The following ZDHHC11 variants were observed in gnomAD, a reference collection of about 807,000 sequenced individuals.
The protein encoded by ZDHHC11 is palmitoyltransferase ZDHHC11.
ZDHHC11 carries 44 observed loss-of-function variants against 51.3 expected under a neutral mutation model. The ratio of observed to expected loss-of-function variants is 0.86; its 90% CI spans 0.67 to 1.10. The LOEUF is 1.10. Among genes scored for constraint, ZDHHC11 ranks in the 50% least tolerant of loss-of-function variants. ZDHHC11 has a pLI of 0.00. For missense variants in ZDHHC11, 400 were observed against 537.7 expected, an observed-to-expected ratio of 0.74 and a Z score of 2.53; for synonymous variants, 163 against 222.0, an observed-to-expected ratio of 0.73 and a Z score of 2.36.
At chr5:825,769 C>G (rs1343572763) in intron 7 of ZDHHC11, among the ~76,000 whole-genome samples, 1 of 152,282 alleles carries the variant, frequency 6.6e-6, no homozygotes, top group Non-Finnish European at 1.5e-5. Flanking sequence ...AGTGCCACCT[C>G]CTGGCTGGAG....
At position 814,800 on chromosome 5, in the gene ZDHHC11, G is replaced by C. The variant is rs191757590; in HGVS notation, c.1147-5C>G. 7.2e-4 allele frequency: 1,109 copies of C among 1,538,974 alleles called. 34 individuals are homozygous for C. In the Middle Eastern group the frequency reaches 0.019, roughly 27 times the overall value. On this transcript the variant is annotated splice_region_variant and splice_polypyrimidine_tract_variant and intron_variant, in intron 10 of 12. Coordinates refer to ENST00000283441, the MANE Select transcript of ZDHHC11 (RefSeq NM_024786.3). ...ACTCGGGGCATCATCTGCTTCCTGTGGGGGGAAGGGATGCAAAATTCATAG... is the reference window on the plus strand; with the variant it reads ...ACTCGGGGCATCATCTGCTTCCTGTCGGGGGAAGGGATGCAAAATTCATAG...
At chr5:799,313 C>T (rs1428105267) in intron 12 of ZDHHC11, among the ~76,000 whole-genome samples, 1 of 151,334 alleles carries the variant, frequency 6.6e-6, no homozygotes, top group Non-Finnish European at 1.5e-5. Context: ...GCTCCCTTCA[C>T]CTTCTGCTGT....
intron 1 of ZDHHC11, among the ~76,000 whole-genome samples, chr5:856,959 C>T (rs1399392821): frequency 2.6e-5 from 4 of 151,282 alleles, no homozygotes; most frequent in South Asian, 2.1e-4. Context: ...TTGCACTACA[C>T]ACCGCATACC....
intron 5 of ZDHHC11, among the ~76,000 whole-genome samples, chr5:838,898 C>A (rs1367461617): frequency 1.3e-5 from 2 of 149,066 alleles, no homozygotes; most frequent in African/African-American, 5.1e-5. Flanking sequence ...CCCAGGGAAA[C>A]ATTTTGTACA....
At chr5:833,532 TGTTA>T (rs1482148132) in intron 7 of ZDHHC11, among the ~76,000 whole-genome samples, 1 of 151,742 alleles carries the variant, frequency 6.6e-6, no homozygotes, top group Non-Finnish European at 1.5e-5. Context: ...TTAGTTTAGA[TGTTA>T]GTTATGAAGA....
chr5:827,786 G>A (rs969292724), intron 7 of ZDHHC11, among the ~76,000 whole-genome samples: 1 of 149,606 alleles, frequency 6.7e-6, no homozygotes, highest in African/African-American at 2.5e-5. Context: ...GTTTCTCACA[G>A]AGGGGGATTT....
chr5:836,863 C>T (rs1302872484), intron 6 of ZDHHC11, among the ~76,000 whole-genome samples: 2 of 149,860 alleles, frequency 1.3e-5, no homozygotes, highest in East Asian at 1.9e-4. Context: ...AAGTTTGAGA[C>T]CAGCCTGGCG....
intron 11 of ZDHHC11, among the ~76,000 whole-genome samples, chr5:808,638 C>G (rs184601223): frequency 0.025 from 3,637 of 148,376 alleles, 82 homozygotes; most frequent in African/African-American, 0.078. Flanking sequence ...CAGGTTCAAG[C>G]GATTCTCCTG....
chr5:854,360 C>T (rs1747807815), upstream of ZDHHC11, among the ~76,000 whole-genome samples: 1 of 150,474 alleles, frequency 6.6e-6, no homozygotes, highest in South Asian at 2.1e-4. Flanking sequence ...GGACAGAACC[C>T]ATGTAGGACA....
chr5:819,063 T>A (rs1025239384), intron 10 of ZDHHC11, among the ~76,000 whole-genome samples: 1 of 151,476 alleles, frequency 6.6e-6, no homozygotes, highest in African/African-American at 2.4e-5. Flanking sequence ...CACCAACACA[T>A]ACGTGCACAT....
At chr5:836,905 A>C (rs1026427643) in intron 6 of ZDHHC11, among the ~76,000 whole-genome samples, 1 of 148,160 alleles carries the variant, frequency 6.7e-6, no homozygotes, top group African/African-American at 2.5e-5. Flanking sequence ...AAAAATACAA[A>C]AATTAGTCGG....
rs1005056697 is a variant in ZDHHC11, at chr5:824,793, T to C, written c.1023+371A>G. ...TTAAAAAAAAAAAAAAAACAGCACA[T>C]GGCTTCTGCCATGGCTACCAATTTC... On this transcript the variant is annotated intron_variant, in intron 8 of 12. Transcript: ENST00000283441. Among the ~76,000 whole-genome samples, 16 of 150,708 alleles carry C rather than the reference T, an allele frequency of 1.1e-4. No homozygotes were observed. In the South Asian group the frequency reaches 3.1e-3, roughly 30 times the overall value.
intron 1 of ZDHHC11, among the ~76,000 whole-genome samples, chr5:856,467 AAC>A (rs377060938): frequency 6.8e-6 from 1 of 146,162 alleles, no homozygotes; most frequent in African/African-American, 2.5e-5. Flanking sequence ...CACCACACGA[AAC>A]ACACGAGACC....
chr5:806,076 G>C lies in ZDHHC11; in HGVS notation c.1182-4912C>G, dbSNP rs1181196078. ...AATGGGGGAGGTGCTGGAAAGGAAAGAGTGGGGTTAGTGATCATAATACTG... is the reference window on the plus strand; with the variant it reads ...AATGGGGGAGGTGCTGGAAAGGAAACAGTGGGGTTAGTGATCATAATACTG... On this transcript the variant is annotated intron_variant, in intron 11 of 12. Coordinates refer to ENST00000283441, the MANE Select transcript of ZDHHC11 (RefSeq NM_024786.3). Among the ~76,000 whole-genome samples the C allele has an allele frequency of 2.0e-5, 3 of 151,304 alleles. 1 individual carries two copies. The highest frequency in any genetic ancestry group is 7.3e-5 in the African/African-American group (3 of 41,172).
At chr5:844,861 A>G (rs1424803236) in intron 3 of ZDHHC11, among the ~76,000 whole-genome samples, 1 of 152,306 alleles carries the variant, frequency 6.6e-6, no homozygotes, top group African/African-American at 2.4e-5. Flanking sequence ...AGAATAATCC[A>G]TCCACAAAAA....
chr5:808,960 A>G (rs1160857811), intron 11 of ZDHHC11, among the ~76,000 whole-genome samples: 4 of 147,090 alleles, frequency 2.7e-5, no homozygotes, highest in Non-Finnish European at 6.0e-5. Context: ...GCCTCCCCAC[A>G]TGCTCCATCT....
At chr5:816,905 A>T (rs1197161672) in intron 10 of ZDHHC11, 33 of 426,902 alleles carry the variant, frequency 7.7e-5, no homozygotes, top group African/African-American at 6.8e-4. Flanking sequence ...TCTATGGCTG[A>T]ATTTTTCTGA....
At chr5:845,119 A>G (rs1745919880) in intron 3 of ZDHHC11, among the ~76,000 whole-genome samples, 1 of 152,294 alleles carries the variant, frequency 6.6e-6, no homozygotes. Context: ...CCTCCCTCCA[A>G]GAGTCTTCTG....
rs141622965 is a variant in ZDHHC11 at position 819,554 on chromosome 5, C to T, written c.1117G>A (p.Val373Ile). 229 of 1,609,984 alleles carry T rather than the reference C, an allele frequency of 1.4e-4. 10 individuals are homozygous for T. In the African/African-American group the frequency reaches 2.2e-3, roughly 15 times the overall value. Reference protein sequence around the residue: ...CRRLCQFSTRVHPDGGSMAQE... With the variant: ...CRRLCQFSTRIHPDGGSMAQE... ...GCCATCGAGCCCCCGTCTGGGTGTA[C>T]ACGAGTGGAGAACTGACACAGGCGC... is the stretch of plus-strand genomic sequence containing the variant. The change falls in exon 10 of 13, where the codon GTA (valine) becomes ATA (isoleucine). Residue 373 changes from valine to isoleucine, a missense_variant. Transcript: ENST00000283441.
Sources: gnomAD v4.1 joint callset for allele counts (sites outside exome capture counted in the v4.1 genomes callset) on GRCh38, gnomAD v4.1.1 for gene constraint, MANE v1.5 for transcripts, NCBI Gene and HGNC (gene_info 2026-07-23, HGNC 2026-07-21) for gene names.